The following FRMD5 variants were observed in gnomAD, a reference collection of about 807,000 sequenced individuals.
FRMD5 encodes FERM domain containing 5, also known as FERM domain-containing protein 5.
In FRMD5, 20 loss-of-function variants were observed where a neutral mutation model predicts 69.0. The ratio of observed to expected loss-of-function variants is 0.29; its 90% confidence interval spans 0.20 to 0.42. FRMD5 has a LOEUF of 0.42. Ranked by LOEUF, FRMD5 falls within the 10% of genes least tolerant of loss-of-function variation. The probability of loss-of-function intolerance (pLI) is 1.00; values close to 1 mark genes in which losing one functional copy is unlikely to be tolerated. For synonymous variants in FRMD5, 271 were observed against 260.1 expected (o/e 1.04, Z -0.40); for missense variants, 595 against 708.6 (o/e 0.84, Z 1.82).
At chr15:43,996,907 G>C (rs915711072) in intron 1 of FRMD5, among the ~76,000 whole-genome samples, 1 of 151,840 alleles carries the variant, frequency 6.6e-6, no homozygotes, top group African/African-American at 2.4e-5. Context: ...CACTGCTCTT[G>C]AACAGTGTCA....
intron 1 of FRMD5, among the ~76,000 whole-genome samples, chr15:44,040,052 G>A (rs577778006): frequency 5.7e-4 from 86 of 151,880 alleles, no homozygotes; most frequent in African/African-American, 1.9e-3. Flanking sequence ...TAGCCGAATC[G>A]ATCAAGCAGA....
intron 1 of FRMD5, chr15:44,194,575 CG>C: frequency 3.1e-6 from 1 of 326,474 alleles, no homozygotes; most frequent in South Asian, 2.8e-5. Context: ...CCAAAGCCTG[CG>C]CCCCCGACGG....
intron 1 of FRMD5, among the ~76,000 whole-genome samples, chr15:44,115,609 A>G (rs1225168043): frequency 6.6e-6 from 1 of 152,212 alleles, no homozygotes; most frequent in Non-Finnish European, 1.5e-5. Context: ...TATGCACATA[A>G]CTGAACCCCT....
chr15:43,946,322 A>G (rs2089946561), intron 1 of FRMD5, among the ~76,000 whole-genome samples: 1 of 152,188 alleles, frequency 6.6e-6, no homozygotes, highest in Non-Finnish European at 1.5e-5. Context: ...GACTGTAAAT[A>G]CTTATAAGTT....
intron 1 of FRMD5, among the ~76,000 whole-genome samples, chr15:43,991,336 T>A (rs999041467): frequency 6.6e-6 from 1 of 152,174 alleles, no homozygotes; most frequent in African/African-American, 2.4e-5. Flanking sequence ...ACAATCCTTT[T>A]TTCTGTGAGG....
At chr15:43,911,180 GTGATTTAAAAA>G (rs2089281477) in intron 4 of FRMD5, among the ~76,000 whole-genome samples, 1 of 152,196 alleles carries the variant, frequency 6.6e-6, no homozygotes. Flanking sequence ...AGCATCTCTG[GTGATTTAAAAA>G]TATTTCCACA....
chr15:43,922,026 T>C (rs1013670503), intron 2 of FRMD5, among the ~76,000 whole-genome samples: 3 of 152,168 alleles, frequency 2.0e-5, no homozygotes, highest in Non-Finnish European at 4.4e-5. Context: ...ATCCCTACCA[T>C]GAATCAGTGG....
intron 1 of FRMD5, among the ~76,000 whole-genome samples, chr15:43,998,569 G>C (rs938750231): frequency 2.6e-5 from 4 of 152,078 alleles, no homozygotes; most frequent in African/African-American, 9.7e-5. Flanking sequence ...TGACCATTAG[G>C]CTCTCTACCT....
chr15:44,044,600 C>T (rs2140326275), intron 1 of FRMD5, among the ~76,000 whole-genome samples: 1 of 152,256 alleles, frequency 6.6e-6, no homozygotes, highest in South Asian at 2.1e-4. Context: ...AGGATGAGTT[C>T]ATGTCCTTTG....
upstream of FRMD5, among the ~76,000 whole-genome samples, chr15:44,196,248 T>C (rs759935857): frequency 1.3e-5 from 2 of 152,066 alleles, no homozygotes; most frequent in African/African-American, 4.8e-5. Context: ...GATCACCTGA[T>C]GTCAGGAGTT....
At chr15:44,015,834 A>T (rs1316654458) in intron 1 of FRMD5, among the ~76,000 whole-genome samples, 1 of 152,208 alleles carries the variant, frequency 6.6e-6, no homozygotes, top group Non-Finnish European at 1.5e-5. Flanking sequence ...GTATTCAAGG[A>T]TCAGAGTAGC....
At chr15:44,135,138 A>C (rs8029735) in intron 1 of FRMD5, among the ~76,000 whole-genome samples, 1 of 152,196 alleles carries the variant, frequency 6.6e-6, no homozygotes, top group South Asian at 2.1e-4. Flanking sequence ...TATACAAACT[A>C]TACCTCAGAG....
intron 1 of FRMD5, among the ~76,000 whole-genome samples, chr15:44,180,889 G>A (rs1249138643): frequency 6.6e-6 from 1 of 152,018 alleles, no homozygotes; most frequent in African/African-American, 2.4e-5. Flanking sequence ...AAGTAGATAG[G>A]TTTTGACATA....
At chr15:44,114,023 C>T (rs2076835203) in intron 1 of FRMD5, among the ~76,000 whole-genome samples, 1 of 151,978 alleles carries the variant, frequency 6.6e-6, no homozygotes, top group Admixed American at 6.6e-5. Context: ...CTATCTATAA[C>T]AGTCGTCCAC....
At chr15:44,172,262 TTCTC>T (rs1269874830) in intron 1 of FRMD5, among the ~76,000 whole-genome samples, 1 of 150,898 alleles carries the variant, frequency 6.6e-6, no homozygotes, top group African/African-American at 2.4e-5. Context: ...GGCTTTCTTT[TTCTC>T]TTTTTCTTTT....
At chr15:43,877,709 T>G (rs1321497115) in intron 13 of FRMD5, among the ~76,000 whole-genome samples, 1 of 152,254 alleles carries the variant, frequency 6.6e-6, no homozygotes, top group South Asian at 2.1e-4. Context: ...TTTTTGTCCC[T>G]GTGCTAAAAT....
chr15:44,182,896 C>CA (rs765048984), intron 1 of FRMD5, among the ~76,000 whole-genome samples: 2 of 151,910 alleles, frequency 1.3e-5, no homozygotes, highest in African/African-American at 2.4e-5. Flanking sequence ...CCCGGGTTCA[C>CA]ATCATTCTCC....
chr15:43,957,202 T>C (rs1157223994), intron 1 of FRMD5, among the ~76,000 whole-genome samples: 1 of 152,154 alleles, frequency 6.6e-6, no homozygotes, highest in Non-Finnish European at 1.5e-5. Context: ...TTCTTTCTTT[T>C]TTTTTCTTTT....
chr15:43,906,641 G>C (rs1447515919), intron 5 of FRMD5, among the ~76,000 whole-genome samples: 1 of 152,050 alleles, frequency 6.6e-6, no homozygotes, highest in Non-Finnish European at 1.5e-5. Context: ...TCACTCTGTA[G>C]CCCAGGCTGG....
Sources: allele counts gnomAD v4.1 joint callset (sites outside exome capture counted in the v4.1 genomes callset), GRCh38; gene constraint gnomAD v4.1.1; transcripts MANE v1.5; gene names NCBI Gene and HGNC (gene_info 2026-07-23, HGNC 2026-07-21).